Variants in ZNF519 observed in about 807,000 individuals in gnomAD.
The protein encoded by ZNF519 is zinc finger protein 519.
Under a neutral mutation model 7.4 loss-of-function variants are expected in ZNF519, and 7 were observed. That is an observed-to-expected ratio of 0.94 (90% CI 0.54 to 1.77). ZNF519 has a LOEUF of 1.77. Among genes scored for constraint, ZNF519 ranks in the 40% most tolerant of loss-of-function variants. The pLI is 0.00. For synonymous variants in ZNF519, 179 were observed against 203.3 expected (o/e 0.88, Z 1.02); for missense variants, 586 against 623.1 (o/e 0.94, Z 0.63).
chr18:14,118,584 G>A (rs1387256779), intron 2 of ZNF519, among the ~76,000 whole-genome samples: 2 of 152,178 alleles, frequency 1.3e-5, no homozygotes, highest in East Asian at 3.8e-4. Flanking sequence ...AGATCAAGGA[G>A]GGTCATTTGG....
chr18:14,098,419 C>G (rs559371999), downstream of ZNF519, among the ~76,000 whole-genome samples: 13 of 152,228 alleles, frequency 8.5e-5, 1 homozygote, highest in South Asian at 2.7e-3. Flanking sequence ...CTTGGCCTCC[C>G]AAAGTGCTGG....
intron 2 of ZNF519, among the ~76,000 whole-genome samples, chr18:14,107,939 G>GT (rs145186762): frequency 0.012 from 1,849 of 152,232 alleles, 41 homozygotes; most frequent in African/African-American, 0.042. Flanking sequence ...GACTCCTAAG[G>GT]TTATTGACTA....
At chr18:14,095,756 T>G (rs1480820883), downstream of ZNF519, among the ~76,000 whole-genome samples, 1 of 152,212 alleles carries the variant, frequency 6.6e-6, no homozygotes, top group Non-Finnish European at 1.5e-5. Flanking sequence ...GTCCTGCATT[T>G]ACTTCTCTCT....
intron 2 of ZNF519, 183 bp downstream of exon 2, chr18:14,124,167 C>CT: frequency 2.1e-6 from 1 of 467,936 alleles, no homozygotes; most frequent in Non-Finnish European, 3.4e-6. Context: ...GAGCGAAACT[C>CT]TGTCTCAATT....
intron 2 of ZNF519, among the ~76,000 whole-genome samples, chr18:14,085,938 T>C (rs1311503030): frequency 1.3e-5 from 2 of 152,138 alleles, no homozygotes; most frequent in African/African-American, 4.8e-5. Flanking sequence ...ACCTCAGCAG[T>C]AGTCAGGGCG....
At chr18:14,122,231 G>A (rs1473470949) in intron 2 of ZNF519, 1 of 152,008 alleles carries the variant, frequency 6.6e-6, no homozygotes, top group East Asian at 1.9e-4. Flanking sequence ...AACACTTTGA[G>A]GTAAAATAAC....
chr18:14,098,746 C>CA (rs2046147901), downstream of ZNF519, among the ~76,000 whole-genome samples: 1 of 152,202 alleles, frequency 6.6e-6, no homozygotes, highest in Non-Finnish European at 1.5e-5. Flanking sequence ...CAGACATTTG[C>CA]AACGTCTGAA....
At chr18:14,108,677 T>A (rs1190461036) in intron 2 of ZNF519, among the ~76,000 whole-genome samples, 1 of 150,834 alleles carries the variant, frequency 6.6e-6, no homozygotes, top group East Asian at 1.9e-4. Flanking sequence ...ACACATAGAT[T>A]AAAAAGATTT....
chr18:14,092,275 G>A (rs950089670), intron 2 of ZNF519, among the ~76,000 whole-genome samples: 1 of 152,154 alleles, frequency 6.6e-6, no homozygotes, highest in African/African-American at 2.4e-5. Flanking sequence ...GGGCATCTGT[G>A]TGAAGGGGGT....
chr18:14,080,775 G>T (rs2046068064), intron 3 of ZNF519, among the ~76,000 whole-genome samples: 1 of 152,180 alleles, frequency 6.6e-6, no homozygotes, highest in Non-Finnish European at 1.5e-5. Flanking sequence ...CTTGGAAGCA[G>T]TCAAGATGCT....
At chr18:14,119,078 A>C (rs2143155146) in intron 2 of ZNF519, among the ~76,000 whole-genome samples, 1 of 152,272 alleles carries the variant, frequency 6.6e-6, no homozygotes, top group East Asian at 1.9e-4. Flanking sequence ...TAATGTCCTA[A>C]AGGAAATCTA....
chr18:14,090,169 C>T (rs2046108315), intron 2 of ZNF519: 1 of 152,178 alleles, frequency 6.6e-6, no homozygotes, highest in South Asian at 2.1e-4. Flanking sequence ...ACTGACTTTA[C>T]ATAAGGCATG....
downstream of ZNF519, among the ~76,000 whole-genome samples, chr18:14,097,855 A>G (rs893688588): frequency 1.3e-5 from 2 of 152,166 alleles, no homozygotes; most frequent in African/African-American, 4.8e-5. Flanking sequence ...GTTTATATTA[A>G]TACTCTAACA....
chr18:14,089,405 G>T (rs2046105049), intron 2 of ZNF519, among the ~76,000 whole-genome samples: 1 of 152,154 alleles, frequency 6.6e-6, no homozygotes, highest in Non-Finnish European at 1.5e-5. Context: ...GCTAATGAAA[G>T]AACTCATTCA....
chr18:14,115,157 A>G (rs892450065), intron 2 of ZNF519, among the ~76,000 whole-genome samples: 5 of 152,174 alleles, frequency 3.3e-5, no homozygotes, highest in African/African-American at 1.2e-4. Flanking sequence ...AGAGAAGGAA[A>G]ATTTTATTAC....
intron 3 of ZNF519, chr18:14,084,858 T>C (rs1030393189): frequency 6.6e-6 from 1 of 152,196 alleles, no homozygotes; most frequent in Non-Finnish European, 1.5e-5. Context: ...ATAAAATAAA[T>C]GAACGTTGAA....
chr18:14,082,526 G>A (rs1176144425), intron 3 of ZNF519: 1 of 152,158 alleles, frequency 6.6e-6, no homozygotes, highest in Non-Finnish European at 1.5e-5. Flanking sequence ...GGCAGTGGCA[G>A]ACATGATAAG....
Position 14,106,236 on chromosome 18 carries a change from T to A in ZNF519, c.304A>T (p.Ser102Cys). The change falls in exon 3 of 3, where the codon AGC (serine) becomes TGC (cysteine). Residue 102 changes from serine to cysteine, a missense_variant. Coordinates refer to ENST00000590202, the MANE Select transcript of ZNF519 (RefSeq NM_145287.4). ...TTATGACTAGTTGTCAAATATTGGC[T>A]ACATAGATTATAACATTCCTTTTGT... Reference protein sequence around the residue: ...EGQKECYNLCSQYLTTSHNKH... With the variant: ...EGQKECYNLCCQYLTTSHNKH... 6.2e-7 allele frequency: 1 copy of A among 1,613,728 alleles called. No individual in the cohort carries two copies. Among genetic ancestry groups the A allele is most frequent in the Non-Finnish European group, 8.5e-7 (1 of 1,179,936 alleles).
chr18:14,104,548 TAATTTG>T lies in ZNF519; in HGVS notation c.*363_*368del, dbSNP rs2046177970. On this transcript the variant is annotated 3_prime_UTR_variant, in exon 3 of 3. Transcript: ENST00000590202. ...CAACCACAGTGGGGAAAAAAAAGGT[TAATTTG>T]AATTTAATTACATCAATAATACTTT... is the stretch of plus-strand genomic sequence containing the variant. The T allele has an allele frequency of 6.0e-6, 1 of 167,740 alleles. No individual in the cohort carries two copies. Among genetic ancestry groups the T allele is most frequent in the Non-Finnish European group, 1.3e-5 (1 of 78,940 alleles). 10.4% of individuals were successfully genotyped at this position (167,740 alleles called of 1,614,324 possible).
Sources: allele counts gnomAD v4.1 joint callset (sites outside exome capture counted in the v4.1 genomes callset), GRCh38; gene constraint gnomAD v4.1.1; transcripts MANE v1.5; gene names NCBI Gene and HGNC (gene_info 2026-07-23, HGNC 2026-07-21).